The following FNBP4 variants were observed in gnomAD, a reference collection of about 807,000 sequenced individuals.
FNBP4 encodes formin-binding protein 4.
FNBP4 carries 34 observed loss-of-function variants against 119.3 expected under a neutral mutation model. That is an observed-to-expected ratio of 0.28 (90% CI 0.22 to 0.38). The LOEUF is 0.38. Among genes scored for constraint, FNBP4 ranks in the 10% least tolerant of loss-of-function variants. The probability of loss-of-function intolerance (pLI) is 1.00; values close to 1 mark genes in which losing one functional copy is unlikely to be tolerated. For synonymous variants in FNBP4, 462 were observed against 430.6 expected (o/e 1.07, Z -0.90); for missense variants, 1,112 against 1,228.9 (o/e 0.90, Z 1.42).
At chr11:47,743,457 T>C (rs767928121) in intron 8 of FNBP4, among the ~76,000 whole-genome samples, 6 of 152,026 alleles carry the variant, frequency 3.9e-5, no homozygotes, top group Non-Finnish European at 7.4e-5. Context: ...TACTCCAGCC[T>C]GGGTGACAGA....
Position 47,741,686 on chromosome 11 carries a change from G to A in FNBP4, c.1456+2267C>T, listed in dbSNP as rs139180981. On this transcript the variant is annotated intron_variant, in intron 8 of 16. Transcript: ENST00000263773. ...CAAAAATTAGTCAGGCGCAGTGGCA[G>A]GCGCCTGTAATCCCAGCTACTCGGG... Among the ~76,000 whole-genome samples, 34 of 147,202 alleles carry A rather than the reference G, an allele frequency of 2.3e-4. 1 individual carries two copies. The highest frequency in any genetic ancestry group is 7.2e-4 in the African/African-American group (27 of 37,760).
At position 47,746,299 on chromosome 11, in the gene FNBP4, T is replaced by G; in HGVS notation, c.1002A>C (p.Ile334=). Residue 334 remains isoleucine (I), a synonymous_variant, in exon 7 of 17, where the codon ATA becomes ATC. Coordinates refer to ENST00000263773, the MANE Select transcript of FNBP4 (RefSeq NM_015308.5). ...SLLAPLLPEG[I]KEEEERWRRK... ...TTCTCCATCTCTCTTCTTCTTCTTTTATTCCCTCAGGCAATAAAGGAGCAA... is the reference window on the plus strand; with the variant it reads ...TTCTCCATCTCTCTTCTTCTTCTTTGATTCCCTCAGGCAATAAAGGAGCAA... 3 of 1,614,184 alleles carry G rather than the reference T, an allele frequency of 1.9e-6. No individual in the cohort carries two copies. Among genetic ancestry groups the G allele is most frequent in the Non-Finnish European group, 2.5e-6 (3 of 1,180,038 alleles).
intron 2 of FNBP4, among the ~76,000 whole-genome samples, chr11:47,762,264 TG>T (rs1447763158): frequency 6.6e-6 from 1 of 151,944 alleles, no homozygotes; most frequent in East Asian, 1.9e-4. Flanking sequence ...CACGAGTAGC[TG>T]GGACTACAGG....
In FNBP4 at chr11:47,738,480, G is replaced by A. The variant is rs371053880; in HGVS notation, c.1457-1740C>T. ...CTCAGGGGGCCGAGGCAGGAGAATC[G>A]CTTGAACCTGGGAGGTGGAGGTTGC... is the stretch of plus-strand genomic sequence containing the variant. On this transcript the variant is annotated intron_variant, in intron 8 of 16. Coordinates refer to ENST00000263773, the MANE Select transcript of FNBP4 (RefSeq NM_015308.5). Among the ~76,000 whole-genome samples the A allele has an allele frequency of 9.9e-5, 15 of 152,034 alleles. 1 individual carries two copies. In the East Asian group the frequency reaches 2.5e-3, roughly 26 times the overall value.
At chr11:47,722,077 A>G (rs2097556396) in intron 15 of FNBP4, among the ~76,000 whole-genome samples, 1 of 134,932 alleles carries the variant, frequency 7.4e-6, no homozygotes, top group Middle Eastern at 4.0e-3. Flanking sequence ...TTTCTCATAG[A>G]TTTATTTTTC....
chr11:47,717,402 A>C lies in FNBP4; in HGVS notation c.*20T>G. 1 of 1,544,760 alleles carries C rather than the reference A, an allele frequency of 6.5e-7. No homozygotes were observed. Among genetic ancestry groups the C allele is most frequent in the Non-Finnish European group, 8.9e-7 (1 of 1,124,556 alleles). On this transcript the variant is annotated 3_prime_UTR_variant, in exon 17 of 17. Transcript: ENST00000263773. ...ACACAAAACAAACAATAATACAAAA[A>C]AGTTTTAAAAACTTAAAAACTATGT...
chr11:47,754,911 G>A lies in FNBP4; in HGVS notation c.314-247C>T, dbSNP rs137916400. ...TAATCCCAGCACTTTGGGAGGCCGA[G>A]GTGGGTGGATCATGAGGTCAGGCGT... On this transcript the variant is annotated intron_variant, in intron 2 of 16. Transcript: ENST00000263773. 5.8e-3 allele frequency among the ~76,000 whole-genome samples: 889 copies of A among 152,186 alleles called. 9 individuals carry two copies. The highest frequency in any genetic ancestry group is 0.021 in the African/African-American group (853 of 41,528).
At chr11:47,752,657 A>T (rs1191087678) in intron 4 of FNBP4, 3 of 314,742 alleles carry the variant, frequency 9.5e-6, no homozygotes, top group Non-Finnish European at 1.8e-5. Flanking sequence ...TAAAATACAA[A>T]AGAGAAATTA....
At chr11:47,727,251 CTTTTT>C (rs56258205) in intron 12 of FNBP4, among the ~76,000 whole-genome samples, 1 of 137,940 alleles carries the variant, frequency 7.2e-6, no homozygotes, top group Admixed American at 7.5e-5. Flanking sequence ...TACTTTTCTT[CTTTTT>C]TTTTTTTTTT....
At position 47,720,154 on chromosome 11, in the gene FNBP4, G is replaced by C. The variant is rs901690348; in HGVS notation, c.2806-68C>G. The C allele has an allele frequency of 2.1e-6, 3 of 1,446,658 alleles. No individual in the cohort carries two copies. The African/African-American group carries it at 4.3e-5, about 21-fold the overall frequency. The allele number at this position is 1,446,658 out of a possible 1,614,324, so 89.6% of individuals were successfully genotyped here. A position where few individuals can be genotyped will look rare whatever the true frequency, so the allele number is the denominator to read the frequency against. On this transcript the variant is annotated intron_variant, in intron 15 of 16. Transcript: ENST00000263773. ...ATAAGGATAAGCGTCCTCTACAATG[G>C]AGGTCAGGATCCTTTTCCCAGTTCT... is the stretch of plus-strand genomic sequence containing the variant.
At chr11:47,750,781 CAAAGTG>C in intron 6 of FNBP4, 129 bp downstream of exon 6, 1 of 727,856 alleles carries the variant, frequency 1.4e-6, no homozygotes, top group East Asian at 3.9e-5. Flanking sequence ...TACACAGAAA[CAAAGTG>C]AAAGTTATGA....
Position 47,731,316 on chromosome 11 carries a change from A to G in FNBP4, c.2008+58T>C, listed in dbSNP as rs567553070. 2.8e-5 allele frequency: 41 copies of G among 1,470,602 alleles called. No homozygotes were observed. The East Asian group carries it at 9.5e-4, about 34-fold the overall frequency. 91.1% of individuals were successfully genotyped at this position (1,470,602 alleles called of 1,614,324 possible). A position where few individuals can be genotyped will look rare whatever the true frequency, so the allele number is the denominator to read the frequency against. ...TAAAATCTTTTAATAATGTAAATTA[A>G]TAAGATTTTTCCTCTAAAGTCATTT... On this transcript the variant is annotated intron_variant, in intron 12 of 16. Transcript: ENST00000263773.
Position 47,723,106 on chromosome 11 carries a change from T to A in FNBP4, c.2675A>T (p.Gln892Leu). 1 of 1,614,034 alleles carries A rather than the reference T, an allele frequency of 6.2e-7. No homozygotes were observed. Among genetic ancestry groups the A allele is most frequent in the Admixed American group, 1.7e-5 (1 of 59,982 alleles). ...AGCGGTAGGCACAGCACCTCGGGCC[T>A]GAACTGGCTGCAATGAGGGAGCAGT... is the stretch of plus-strand genomic sequence containing the variant. ...GVTAPSLQPV[Q>L]ARGAVPTATI... is the part of the protein sequence containing the mutation. The change falls in exon 15 of 17, where the codon CAG becomes CTG. Residue 892 changes from glutamine (Q) to leucine (L), a missense_variant. Physicochemically the swap from Gln to Leu is moderately radical, Grantham distance 113. Coordinates refer to ENST00000263773, the MANE Select transcript of FNBP4 (RefSeq NM_015308.5).
intron 12 of FNBP4, among the ~76,000 whole-genome samples, chr11:47,727,882 A>G (rs1172298725): frequency 1.3e-5 from 2 of 152,166 alleles, no homozygotes; most frequent in African/African-American, 4.8e-5. Flanking sequence ...AAAGTGGTAT[A>G]TACAGCTCTT....
At position 47,724,725 on chromosome 11, in the gene FNBP4, GCATGAGTGA is replaced by G. The variant is rs746763764; in HGVS notation, c.2053_2061del (p.Ser685_Met687del). On this transcript the variant is annotated inframe_deletion, in exon 13 of 17. Coordinates refer to ENST00000263773, the MANE Select transcript of FNBP4 (RefSeq NM_015308.5). ...AGGAGGGTCCAGAATGGAGTAAGTG[GCATGAGTGA>G]TGAAGAAGAAACTTGACCAGAAAAG... The G allele has an allele frequency of 6.2e-7, 1 of 1,602,134 alleles. No homozygotes were observed. Among genetic ancestry groups the G allele is most frequent in the East Asian group, 2.2e-5 (1 of 44,632 alleles).
chr11:47,751,045 A>T lies in FNBP4; in HGVS notation c.786-9T>A, dbSNP rs766783813. On this transcript the variant is annotated splice_polypyrimidine_tract_variant and intron_variant, in intron 5 of 16. Transcript: ENST00000263773. ...CAGCACCTGGCACAGAACTAAAAAA[A>T]TATATACTTAGCAAGAGAAATATAA... The T allele has an allele frequency of 6.2e-7, 1 of 1,613,110 alleles. No individual in the cohort carries two copies. Among genetic ancestry groups the T allele is most frequent in the African/African-American group, 1.3e-5 (1 of 74,908 alleles).
chr11:47,739,196 T>C (rs1422587931), intron 8 of FNBP4, among the ~76,000 whole-genome samples: 1 of 151,948 alleles, frequency 6.6e-6, no homozygotes, highest in Non-Finnish European at 1.5e-5. Context: ...CCTCCCAGAA[T>C]GCTGGGATTA....
intron 12 of FNBP4, chr11:47,730,254 A>G (rs532425316): frequency 2.0e-6 from 2 of 984,600 alleles, no homozygotes; most frequent in East Asian, 1.1e-4. Flanking sequence ...ACCAAAAGAG[A>G]GGAAAAATAT....
intron 6 of FNBP4, among the ~76,000 whole-genome samples, chr11:47,749,281 A>G (rs2097597048): frequency 1.3e-5 from 2 of 148,222 alleles, no homozygotes; most frequent in South Asian, 4.3e-4. Flanking sequence ...AAAAATAAGT[A>G]AATAAAAAGG....
Sources: allele counts gnomAD v4.1 joint callset (sites outside exome capture counted in the v4.1 genomes callset), GRCh38; gene constraint gnomAD v4.1.1; transcripts MANE v1.5; gene names NCBI Gene and HGNC (gene_info 2026-07-23, HGNC 2026-07-21).